Variants in NHSL1 observed in about 807,000 individuals in gnomAD.
The protein encoded by NHSL1 is NHS like 1, also known as NHS-like protein 1.
In NHSL1, 48 loss-of-function variants were observed where a neutral mutation model predicts 95.0. That is an observed-to-expected ratio of 0.51 (90% CI 0.40 to 0.64). The LOEUF (loss-of-function observed/expected upper bound fraction) is 0.64. Ranked by LOEUF, NHSL1 falls within the 30% of genes least tolerant of loss-of-function variation. The pLI, the probability that NHSL1 is intolerant of heterozygous loss-of-function variation, is 0.00. For missense variants in NHSL1, 1,971 were observed against 2,077.7 expected (o/e 0.95, Z 1.00); for synonymous variants, 783 against 833.9 (o/e 0.94, Z 1.05).
intron 3 of NHSL1, among the ~76,000 whole-genome samples, chr6:138,459,494 A>G (rs1777855693): frequency 6.6e-6 from 1 of 152,314 alleles, no homozygotes; most frequent in African/African-American, 2.4e-5. Context: ...TTGAAATATT[A>G]CTTTCTTGGA....
chr6:138,674,950 A>C (rs1208945095), intron 1 of NHSL1, among the ~76,000 whole-genome samples: 1 of 151,790 alleles, frequency 6.6e-6, no homozygotes, highest in African/African-American at 2.4e-5. Context: ...CCAGAGGCTT[A>C]GGTGAGAGGA....
intron 1 of NHSL1, among the ~76,000 whole-genome samples, chr6:138,610,707 T>C (rs1193293656): frequency 1.3e-5 from 2 of 151,936 alleles, no homozygotes; most frequent in Non-Finnish European, 2.9e-5. Context: ...CCTGGGGCAA[T>C]TGTCCACACT....
Position 138,496,276 on chromosome 6 carries a change from G to A in NHSL1, c.154C>T (p.Pro52Ser). 1 of 1,551,034 alleles carries A rather than the reference G, an allele frequency of 6.4e-7. No individual in the cohort carries two copies. The highest frequency in any genetic ancestry group is 8.7e-7 in the Non-Finnish European group (1 of 1,146,906). The change falls in exon 2 of 8, where the codon CCC becomes TCC. Residue 52 changes from proline to serine, a missense_variant. This residue lies in a region of NHSL1 where 1,602 missense variants were observed against 1,654.5 expected (regional missense o/e 0.97). Coordinates refer to ENST00000343505, the MANE Select transcript of NHSL1 (RefSeq NM_001144060.2). ...TGGCGGTGCAGGTCCTCAACACAGG[G>A]GGGTCTTGTGGTGGGAAGGAACACA... is the stretch of plus-strand genomic sequence containing the variant. The part of the protein sequence containing the change: ...ENVFLPTTRP[P>S]CVEDLHRQAK...
chr6:138,588,440 T>C (rs1784173768), intron 1 of NHSL1, among the ~76,000 whole-genome samples: 1 of 152,164 alleles, frequency 6.6e-6, no homozygotes, highest in Admixed American at 6.5e-5. Context: ...CCAGTCTGGG[T>C]GACAGAGCAA....
intron 1 of NHSL1, among the ~76,000 whole-genome samples, chr6:138,514,175 G>A (rs1334245700): frequency 2.6e-5 from 4 of 151,848 alleles, no homozygotes; most frequent in African/African-American, 9.7e-5. Flanking sequence ...AAAATTAGCC[G>A]GGCGTGGTGG....
At chr6:138,611,824 T>C (rs1014680323) in intron 1 of NHSL1, among the ~76,000 whole-genome samples, 5 of 151,892 alleles carry the variant, frequency 3.3e-5, no homozygotes, top group African/African-American at 1.2e-4. Flanking sequence ...AAAAAATATG[T>C]TGAGGCCAAG....
intron 1 of NHSL1, among the ~76,000 whole-genome samples, chr6:138,638,382 A>T (rs1784915887): frequency 6.6e-6 from 1 of 152,206 alleles, no homozygotes; most frequent in Non-Finnish European, 1.5e-5. Flanking sequence ...TGAGGAATGG[A>T]TGGATAGCTC....
At chr6:138,581,559 G>A (rs765446042) in intron 1 of NHSL1, among the ~76,000 whole-genome samples, 9 of 151,918 alleles carry the variant, frequency 5.9e-5, no homozygotes, top group Non-Finnish European at 8.8e-5. Context: ...GGGCATGGTC[G>A]TGTGTGCCTG....
chr6:138,442,242 A>G, intron 4 of NHSL1, 128 bp from the exon 5 acceptor site: 1 of 970,414 alleles, frequency 1.0e-6, no homozygotes, highest in South Asian at 2.1e-5. Flanking sequence ...TCATATGATG[A>G]TGAATGCTGA....
At chr6:138,494,202 T>G (rs567624714) in intron 2 of NHSL1, among the ~76,000 whole-genome samples, 2 of 152,330 alleles carry the variant, frequency 1.3e-5, no homozygotes, top group South Asian at 4.1e-4. Flanking sequence ...CATACAGCAA[T>G]TTTTAGTTTG....
At chr6:138,664,116 T>C (rs1039227459) in intron 1 of NHSL1, among the ~76,000 whole-genome samples, 3 of 152,188 alleles carry the variant, frequency 2.0e-5, no homozygotes, top group Admixed American at 2.0e-4. Context: ...GTTCCAGAGA[T>C]CACCACAATA....
intron 1 of NHSL1, among the ~76,000 whole-genome samples, chr6:138,652,266 A>AC (rs375970011): frequency 4.5e-4 from 68 of 152,044 alleles, no homozygotes; most frequent in African/African-American, 1.5e-3. Flanking sequence ...ACATGGAGAA[A>AC]CCCCAACTCT....
At chr6:138,497,908 T>G in intron 1 of NHSL1, among the ~76,000 whole-genome samples, 1 of 152,372 alleles carries the variant, frequency 6.6e-6, no homozygotes, top group East Asian at 1.9e-4. Flanking sequence ...GAACTAGATA[T>G]CAAGTTAAAA....
intron 1 of NHSL1, among the ~76,000 whole-genome samples, chr6:138,604,270 CAGA>C (rs941105760): frequency 6.6e-6 from 1 of 152,162 alleles, no homozygotes; most frequent in Non-Finnish European, 1.5e-5. Context: ...GACAATTAAT[CAGA>C]AGGTTAATGC....
At position 138,432,478 on chromosome 6, in the gene NHSL1, A is replaced by T; in HGVS notation, c.1867T>A (p.Cys623Ser). ...TDSGHGSGNL[C>S]NSSDGFGNPR... ...TTCCCAAAGCCATCACTGCTATTGC[A>T]CAGATTCCCAGATCCATGTCCAGAG... Residue 623 changes from cysteine to serine, a missense_variant, in exon 6 of 8, where the codon TGC (cysteine) becomes AGC (serine). Physicochemically the swap from Cys to Ser is moderately radical, Grantham distance 112. Around this residue, in one of 3 missense-constraint regions of NHSL1, gnomAD observed 1,602 missense variants for 1,654.5 expected, o/e 0.97. Transcript: ENST00000343505. The surrounding 1 kb of genome is among the most constrained non-coding windows in gnomAD (Gnocchi z 4.4). 1 of 1,552,288 alleles carries T rather than the reference A, an allele frequency of 6.4e-7. No homozygotes were observed. Among genetic ancestry groups the T allele is most frequent in the South Asian group, 1.2e-5 (1 of 84,062 alleles).
intron 1 of NHSL1, among the ~76,000 whole-genome samples, chr6:138,542,774 T>C (rs867101231): frequency 3.9e-5 from 6 of 152,190 alleles, no homozygotes; most frequent in African/African-American, 7.2e-5. Context: ...TCTTTAAACA[T>C]TTTTTTCGAG....
At chr6:138,688,631 A>G (rs1785619164) in intron 1 of NHSL1, among the ~76,000 whole-genome samples, 1 of 152,168 alleles carries the variant, frequency 6.6e-6, no homozygotes. Flanking sequence ...CGACAGAGTA[A>G]GGCTCCATCT....
chr6:138,532,932 C>A (rs1049307322), intron 1 of NHSL1, among the ~76,000 whole-genome samples: 1 of 152,140 alleles, frequency 6.6e-6, no homozygotes, highest in Non-Finnish European at 1.5e-5. Context: ...GTTCCTATAA[C>A]TTTTAATAAC....
At chr6:138,613,751 T>C (rs1334879196) in intron 1 of NHSL1, among the ~76,000 whole-genome samples, 1 of 152,160 alleles carries the variant, frequency 6.6e-6, no homozygotes, top group Non-Finnish European at 1.5e-5. Context: ...ATAAGACATT[T>C]AAGTCCCTGG....
Sources: allele counts gnomAD v4.1 joint callset (sites outside exome capture counted in the v4.1 genomes callset), GRCh38; gene constraint gnomAD v4.1.1; regional missense constraint gnomAD v4.1.1; non-coding constraint Gnocchi (gnomAD v3.1); transcripts MANE v1.5; gene names NCBI Gene and HGNC (gene_info 2026-07-23, HGNC 2026-07-21).